Variants in ASS1 observed in about 807,000 individuals in gnomAD.
ASS1 encodes the protein argininosuccinate synthase.
ASS1 carries 58 observed loss-of-function variants against 60.5 expected under a neutral mutation model. The observed-to-expected ratio is 0.96, with a 90% CI of 0.78 to 1.19. The LOEUF (loss-of-function observed/expected upper bound fraction) is 1.19. Ranked by LOEUF, ASS1 falls within the 50% of genes most tolerant of loss-of-function variation. The pLI is 0.00. For missense variants in ASS1, 454 were observed against 547.3 expected (o/e 0.83, Z 1.70); for synonymous variants, 200 against 206.9 (o/e 0.97, Z 0.29).
chr9:130,472,641 C>T (rs1845898084), intron 8 of ASS1, among the ~76,000 whole-genome samples: 1 of 152,218 alleles, frequency 6.6e-6, no homozygotes, highest in South Asian at 2.1e-4. Context: ...AGAGCTGCCA[C>T]CCTTGCCCCC....
intron 8 of ASS1, among the ~76,000 whole-genome samples, chr9:130,473,266 AAC>A (rs1392047091): frequency 1.3e-5 from 2 of 152,124 alleles, no homozygotes; most frequent in Admixed American, 6.5e-5. Context: ...AAAGTGGGAA[AAC>A]ACAGCACCTC....
intron 1 of ASS1, among the ~76,000 whole-genome samples, chr9:130,450,533 C>T (rs992388017): frequency 6.6e-6 from 1 of 152,226 alleles, no homozygotes; most frequent in Non-Finnish European, 1.5e-5. Context: ...ACCATCTTCT[C>T]TGCCCCAGCT....
chr9:130,461,072 G>A (rs1388672012), intron 4 of ASS1, among the ~76,000 whole-genome samples: 2 of 152,132 alleles, frequency 1.3e-5, no homozygotes, highest in East Asian at 3.8e-4. Flanking sequence ...GCTGGATCGT[G>A]AGCTTCCTAT....
rs148071047 is a variant in ASS1, at chr9:130,471,316, C to T, written c.567-169C>T. 6.0e-4 allele frequency among the ~76,000 whole-genome samples: 91 copies of T among 152,320 alleles called. No homozygotes were observed. In the East Asian group the frequency reaches 6.4e-3, roughly 11 times the overall value. ...CTCTTTCTTACAACCTGCAGCTCCA[C>T]GGGTGACTATGGTGGGCCCAGAATG... On this transcript the variant is annotated intron_variant, in intron 7 of 14. Coordinates refer to ENST00000352480, the MANE Select transcript of ASS1 (RefSeq NM_054012.4).
In ASS1 at chr9:130,479,281, CTGTG is replaced by C. The variant is rs376408214; in HGVS notation, c.689-414_689-411del. On this transcript the variant is annotated intron_variant, in intron 9 of 14. Coordinates refer to ENST00000352480, the MANE Select transcript of ASS1 (RefSeq NM_054012.4). ...TCCGCCTGACAGACGTGGCAGGGGG[CTGTG>C]TGTGTGTGTGTGTGTGTGTGAGCGA... Among the ~76,000 whole-genome samples, 573 of 148,562 alleles carry C rather than the reference CTGTG, an allele frequency of 3.9e-3. 5 individuals are homozygous for C. Among genetic ancestry groups the C allele is most frequent in the African/African-American group, 0.013 (516 of 40,764 alleles).
At chr9:130,479,630 G>T in intron 9 of ASS1, 86 bp from the exon 10 acceptor site, 1 of 1,073,982 alleles carries the variant, frequency 9.3e-7, no homozygotes, top group Non-Finnish European at 1.4e-6. Flanking sequence ...AAGGCGTTTC[G>T]GGAGGAGGGA....
chr9:130,464,681 C>T (rs12377651), intron 5 of ASS1, among the ~76,000 whole-genome samples: 14,122 of 152,238 alleles, frequency 0.093, 841 homozygotes, highest in South Asian at 0.12. Context: ...ACCAGGATCT[C>T]AGGGCCTCAA....
At chr9:130,449,201 T>C (rs1362911601) in intron 1 of ASS1, among the ~76,000 whole-genome samples, 1 of 152,068 alleles carries the variant, frequency 6.6e-6, no homozygotes, top group Non-Finnish European at 1.5e-5. Context: ...TGTGGTGGCA[T>C]GTGCCTGTAG....
chr9:130,464,699 G>C (rs987210593), intron 5 of ASS1, among the ~76,000 whole-genome samples: 1 of 152,128 alleles, frequency 6.6e-6, no homozygotes, highest in African/African-American at 2.4e-5. Flanking sequence ...CAACCGCCCT[G>C]GCCCGTGGCA....
chr9:130,444,707 G>A (rs1369358453), upstream of ASS1, among the ~76,000 whole-genome samples: 1 of 151,880 alleles, frequency 6.6e-6, no homozygotes, highest in Non-Finnish European at 1.5e-5. This position sits in a 1 kb window ranked among gnomAD's most constrained non-coding sequence, Gnocchi z 4.7. Context: ...CTGCGCCCCC[G>A]CCGGCGCGCC....
In ASS1 at chr9:130,501,080, G is replaced by A. The variant is rs376060139; in HGVS notation, c.*59G>A. On this transcript the variant is annotated 3_prime_UTR_variant, in exon 15 of 15. Coordinates refer to ENST00000352480, the MANE Select transcript of ASS1 (RefSeq NM_054012.4). ...ATTTGCAGATCCCCCAAGTACAGGC[G>A]CTAATTGTTGTGATAATTTGTAATT... is the stretch of plus-strand genomic sequence containing the variant. The A allele has an allele frequency of 3.0e-5, 45 of 1,524,140 alleles. No homozygotes were observed. The highest frequency in any genetic ancestry group is 1.6e-4 in the East Asian group (7 of 44,474). The allele number at this position is 1,524,140 out of a possible 1,614,324, so 94.4% of individuals were successfully genotyped here. A position where few individuals can be genotyped will look rare whatever the true frequency, so the allele number is the denominator to read the frequency against.
rs1194185745 is a variant in ASS1, at chr9:130,491,118, A to G, written c.970+1654A>G. ...AGGATTTCGAGAGGGCTCGATGGTT[A>G]TTGGCTGGCGTTATTTCTCCCTGCC... On this transcript the variant is annotated intron_variant, in intron 12 of 14. Coordinates refer to ENST00000352480, the MANE Select transcript of ASS1 (RefSeq NM_054012.4). This position sits in a 1 kb window ranked among gnomAD's most constrained non-coding sequence, Gnocchi z 5.3. Among the ~76,000 whole-genome samples the G allele has an allele frequency of 1.3e-5, 2 of 152,072 alleles. No individual in the cohort carries two copies. The highest frequency in any genetic ancestry group is 2.1e-4 in the South Asian group (1 of 4,822).
At chr9:130,462,603 C>T (rs561065038) in intron 4 of ASS1, among the ~76,000 whole-genome samples, 5 of 152,254 alleles carry the variant, frequency 3.3e-5, no homozygotes, top group South Asian at 2.1e-4. Flanking sequence ...AGGCACAAGC[C>T]GTCTTTGTGT....
chr9:130,477,383 G>A lies in ASS1; in HGVS notation c.688+422G>A, dbSNP rs1318682673. On this transcript the variant is annotated intron_variant, in intron 9 of 14. Coordinates refer to ENST00000352480, the MANE Select transcript of ASS1 (RefSeq NM_054012.4). The surrounding 1 kb of genome is among the most constrained non-coding windows in gnomAD (Gnocchi z 4.2). ...GACCCCGGAAGGTGCTCAGTAAACGGTGAGTGTTGGCGAGCTGGCCTCATG... is the reference window on the plus strand; with the variant it reads ...GACCCCGGAAGGTGCTCAGTAAACGATGAGTGTTGGCGAGCTGGCCTCATG... 6.6e-6 allele frequency among the ~76,000 whole-genome samples: 1 copy of A among 152,212 alleles called. No homozygotes were observed. The highest frequency in any genetic ancestry group is 2.4e-5 in the African/African-American group (1 of 41,448).
intron 2 of ASS1, 43 bp downstream of exon 2, chr9:130,452,376 A>G (rs1303010379): frequency 2.6e-6 from 4 of 1,554,594 alleles, no homozygotes; most frequent in Non-Finnish European, 8.9e-7. Flanking sequence ...CGTGTCCTGC[A>G]ACCTGTCCTG....
intron 1 of ASS1, chr9:130,451,973 C>A (rs1175688338): frequency 4.7e-6 from 3 of 645,036 alleles, no homozygotes; most frequent in African/African-American, 3.6e-5. Context: ...CTCTCCCCGA[C>A]CAGCCTAGGA....
At chr9:130,462,465 G>A (rs765517494) in intron 4 of ASS1, among the ~76,000 whole-genome samples, 1 of 152,174 alleles carries the variant, frequency 6.6e-6, no homozygotes, top group Non-Finnish European at 1.5e-5. Flanking sequence ...TGCCTGAGAC[G>A]AGGGCAGAGT....
intron 3 of ASS1, among the ~76,000 whole-genome samples, chr9:130,454,776 C>G (rs548605997): frequency 5.0e-4 from 74 of 147,330 alleles, no homozygotes; most frequent in Admixed American, 2.5e-3. Flanking sequence ...CCCACCCATC[C>G]ATTCACCCAT....
At chr9:130,458,697 G>A in intron 4 of ASS1, 108 bp downstream of exon 4, 1 of 1,435,482 alleles carries the variant, frequency 7.0e-7, no homozygotes, top group East Asian at 2.5e-5. Context: ...GGGCAGACTT[G>A]GTGCAAGGCA....
Sources: allele counts gnomAD v4.1 joint callset (sites outside exome capture counted in the v4.1 genomes callset), GRCh38; gene constraint gnomAD v4.1.1; non-coding constraint Gnocchi (gnomAD v3.1); transcripts MANE v1.5; gene names NCBI Gene and HGNC (gene_info 2026-07-23, HGNC 2026-07-21).